The following PARP8 variants were observed in gnomAD, a reference collection of about 807,000 sequenced individuals.
PARP8 encodes the protein protein mono-ADP-ribosyltransferase PARP8.
A neutral mutation model predicts 124.1 loss-of-function variants in PARP8; 51 were observed. The ratio of observed to expected loss-of-function variants is 0.41; its 90% confidence interval spans 0.33 to 0.52. The LOEUF is 0.52. Ranked by LOEUF, PARP8 falls within the 20% of genes least tolerant of loss-of-function variation. PARP8 has a pLI of 0.21. For missense variants in PARP8, 860 were observed against 1,018.9 expected (o/e 0.84, Z 2.12); for synonymous variants, 391 against 361.5 (o/e 1.08, Z -0.93).
chr5:50,693,801 A>G (rs945526887), intron 2 of PARP8, among the ~76,000 whole-genome samples: 1 of 151,450 alleles, frequency 6.6e-6, no homozygotes, highest in Non-Finnish European at 1.5e-5. Context: ...TATGTGGATT[A>G]ATTGTATGAT....
intron 15 of PARP8, among the ~76,000 whole-genome samples, chr5:50,820,356 G>A (rs1395305917): frequency 1.3e-5 from 2 of 152,182 alleles, no homozygotes; most frequent in Non-Finnish European, 2.9e-5. Context: ...TCACACTGTA[G>A]ATATGTCTGT....
At chr5:50,744,729 T>C (rs1758370564) in intron 2 of PARP8, 1 of 699,084 alleles carries the variant, frequency 1.4e-6, no homozygotes, top group South Asian at 1.5e-5. Context: ...TTTTTTTCTC[T>C]GAATAGGAAT....
intron 2 of PARP8, among the ~76,000 whole-genome samples, chr5:50,710,007 CATAT>C (rs1754610313): frequency 6.8e-6 from 1 of 147,584 alleles, no homozygotes; most frequent in Non-Finnish European, 1.5e-5. Flanking sequence ...TACACACACA[CATAT>C]ATACACACAT....
At chr5:50,762,673 G>GCT (rs1421394845) in intron 6 of PARP8, among the ~76,000 whole-genome samples, 1 of 152,176 alleles carries the variant, frequency 6.6e-6, no homozygotes, top group Non-Finnish European at 1.5e-5. Flanking sequence ...CATGTGCAAG[G>GCT]CTACAGAGAG....
At chr5:50,700,490 C>T (rs566536682) in intron 2 of PARP8, among the ~76,000 whole-genome samples, 2 of 152,280 alleles carry the variant, frequency 1.3e-5, no homozygotes, top group Admixed American at 1.3e-4. Context: ...AAATTATTTA[C>T]AGCCATCTAT....
rs532608797 is a variant in PARP8, at chr5:50,673,817, C to A, written c.146+5692C>A. 9.2e-5 allele frequency among the ~76,000 whole-genome samples: 14 copies of A among 152,240 alleles called. No individual in the cohort carries two copies. In the South Asian group the frequency reaches 1.5e-3, roughly 16 times the overall value. On this transcript the variant is annotated intron_variant, in intron 2 of 25. Coordinates refer to ENST00000281631, the MANE Select transcript of PARP8 (RefSeq NM_024615.4). ...ATCCTTATGCAAACATTTGGCAAATCCATGTAAATTTCCCATCATTTCTCT... is the reference window on the plus strand; with the variant it reads ...ATCCTTATGCAAACATTTGGCAAATACATGTAAATTTCCCATCATTTCTCT...
intron 2 of PARP8, among the ~76,000 whole-genome samples, chr5:50,677,521 G>C (rs745347919): frequency 1.3e-5 from 2 of 152,124 alleles, no homozygotes; most frequent in African/African-American, 4.8e-5. Flanking sequence ...AACCAGCCTA[G>C]AATGGTGATT....
At chr5:50,732,671 T>C (rs1757086804) in intron 2 of PARP8, among the ~76,000 whole-genome samples, 1 of 151,902 alleles carries the variant, frequency 6.6e-6, no homozygotes, top group African/African-American at 2.4e-5. Flanking sequence ...CAAGCTGGAG[T>C]GCAGTGGCGC....
intron 2 of PARP8, among the ~76,000 whole-genome samples, chr5:50,692,123 T>G (rs1410787678): frequency 2.0e-5 from 3 of 152,262 alleles, no homozygotes; most frequent in African/African-American, 7.2e-5. Context: ...ATTATCTTTA[T>G]TGAATATAAA....
intron 22 of PARP8, 35 bp from the exon 23 acceptor site, chr5:50,832,746 T>G (rs759196781): frequency 8.7e-6 from 14 of 1,606,148 alleles, no homozygotes; most frequent in African/African-American, 1.3e-5. Flanking sequence ...TCAGACAGCT[T>G]TGTCCCTAAA....
intron 22 of PARP8, among the ~76,000 whole-genome samples, chr5:50,830,494 AAATGTAG>A: frequency 6.6e-6 from 1 of 152,328 alleles, no homozygotes; most frequent in East Asian, 1.9e-4. Context: ...GGTGAGTTCA[AAATGTAG>A]AAAGAATGAT....
In PARP8 at chr5:50,846,125, G is replaced by A. The variant is rs1295309441; in HGVS notation, c.*4057G>A. 6.6e-6 allele frequency: 1 copy of A among 151,678 alleles called. No individual in the cohort carries two copies. Among genetic ancestry groups the A allele is most frequent in the Non-Finnish European group, 1.5e-5 (1 of 67,776 alleles). 9.4% of individuals were successfully genotyped at this position (151,678 alleles called of 1,614,324 possible). On this transcript the variant is annotated 3_prime_UTR_variant, in exon 26 of 26. Coordinates refer to ENST00000281631, the MANE Select transcript of PARP8 (RefSeq NM_024615.4). Reference sequence around the variant, plus strand: ...ATTTACATAGTCAATATAATTTAATGTTCTAAAAATAATATCTTCGATCTG... The same window carrying A: ...ATTTACATAGTCAATATAATTTAATATTCTAAAAATAATATCTTCGATCTG...
chr5:50,794,163 A>G (rs1490821455), intron 10 of PARP8, 44 bp from the exon 11 acceptor site: 1 of 1,572,464 alleles, frequency 6.4e-7, no homozygotes. Flanking sequence ...ATTAATTGAA[A>G]TTGCCTTGGA....
chr5:50,757,255 A>T (rs536717632), intron 3 of PARP8: 2 of 426,056 alleles, frequency 4.7e-6, no homozygotes, highest in South Asian at 3.3e-5. Flanking sequence ...GAGACCTATC[A>T]AGACTGAATC....
intron 7 of PARP8, among the ~76,000 whole-genome samples, chr5:50,774,412 A>G (rs1761943546): frequency 6.6e-6 from 1 of 151,982 alleles, no homozygotes; most frequent in South Asian, 2.1e-4. Context: ...AAGATTGCAC[A>G]GCGGCCAGGC....
chr5:50,792,090 T>C (rs953706146), intron 10 of PARP8, among the ~76,000 whole-genome samples: 3 of 152,186 alleles, frequency 2.0e-5, no homozygotes, highest in African/African-American at 7.2e-5. Context: ...CGTGATATCA[T>C]CTGCTCTTGA....
intron 2 of PARP8, among the ~76,000 whole-genome samples, chr5:50,701,961 A>G (rs989874480): frequency 6.6e-6 from 1 of 152,102 alleles, no homozygotes; most frequent in African/African-American, 2.4e-5. Flanking sequence ...GTAATTGGGG[A>G]GTTATAATCA....
intron 3 of PARP8, among the ~76,000 whole-genome samples, chr5:50,753,317 TG>T (rs1055452778): frequency 1.6e-4 from 24 of 152,114 alleles, no homozygotes; most frequent in Non-Finnish European, 2.8e-4. Flanking sequence ...CTGGATCCTC[TG>T]GCACCTGTGA....
chr5:50,778,788 T>A (rs1740327530), intron 9 of PARP8, 138 bp downstream of exon 9: 1 of 448,942 alleles, frequency 2.2e-6, no homozygotes, highest in East Asian at 3.5e-5. Context: ...AAGCTTGCAG[T>A]CTAAGAAAGA....
Sources: allele counts gnomAD v4.1 joint callset (sites outside exome capture counted in the v4.1 genomes callset), GRCh38; gene constraint gnomAD v4.1.1; transcripts MANE v1.5; gene names NCBI Gene and HGNC (gene_info 2026-07-23, HGNC 2026-07-21).